FCN2: variants seen among roughly 807,000 people sequenced by gnomAD.
The protein encoded by FCN2 is ficolin-2.
A neutral mutation model predicts 32.5 loss-of-function variants in FCN2; 31 were observed. That is an observed-to-expected ratio of 0.96 (90% CI 0.72 to 1.29). The LOEUF (loss-of-function observed/expected upper bound fraction) is 1.29, where lower values mean the gene tolerates loss of function less well. FCN2 is among the 50% of genes most tolerant of loss of function. The pLI is 0.00. For synonymous variants in FCN2, 181 were observed against 164.5 expected, an observed-to-expected ratio of 1.10 and a Z score of -0.77; for missense variants, 412 against 406.5, an observed-to-expected ratio of 1.01 and a Z score of -0.12.
At chr9:134,869,709 G>A in the FCN2 span, among the ~76,000 whole-genome samples, 6 of 152,226 alleles carry the variant, frequency 3.9e-5, no homozygotes, top group Admixed American at 3.9e-4. Flanking sequence ...CTCAACCTGT[G>A]ACCTGCAGGG....
chr9:134,865,650 T>A, the FCN2 span, among the ~76,000 whole-genome samples: 1 of 150,436 alleles, frequency 6.6e-6, no homozygotes, highest in Non-Finnish European at 1.5e-5. Flanking sequence ...AAAAAAAAAA[T>A]CCACCAAGCA....
At chr9:134,870,913 C>T in the FCN2 span, among the ~76,000 whole-genome samples, 1 of 152,284 alleles carries the variant, frequency 6.6e-6, no homozygotes, top group East Asian at 1.9e-4. The surrounding 1 kb of genome is among the most constrained non-coding windows in gnomAD (Gnocchi z 4.3). Context: ...TCCCCCAACA[C>T]CAGCACTGGG....
chr9:134,881,033 C>T (rs543069084), intron 1 of FCN2, 112 bp downstream of exon 1: 19 of 777,514 alleles, frequency 2.4e-5, no homozygotes, highest in East Asian at 1.6e-4. Context: ...TGTGGAGCAT[C>T]GTCTAACGAG....
intron 5 of FCN2, 147 bp from the exon 6 acceptor site, chr9:134,885,621 G>A: frequency 8.5e-7 from 1 of 1,174,492 alleles, no homozygotes; most frequent in African/African-American, 1.5e-5. Flanking sequence ...ATCCTGTGGA[G>A]TCTGTGAGGA....
intron 7 of FCN2, 53 bp from the exon 8 acceptor site, chr9:134,887,115 T>C (rs1830769284): frequency 6.2e-7 from 1 of 1,608,916 alleles, no homozygotes. Context: ...AGACTTATAC[T>C]GTCTGTAATG....
chr9:134,887,405 G>C lies in FCN2; in HGVS notation c.932G>C (p.Arg311Pro). The part of the protein sequence containing the change: ...YSYKVSEMKV[R>P]PA The stretch of plus-strand genomic sequence containing the variant: ...TACAAGGTGTCAGAGATGAAGGTGC[G>C]ACCTGCCTAGCCCAGGCCGGCCTCA... The change falls in exon 8 of 8, where the codon CGA (arginine) becomes CCA (proline). Residue 311 changes from arginine (R) to proline (P), a missense_variant. Physicochemically the swap from Arg to Pro is moderately radical, Grantham distance 103. Transcript: ENST00000291744. 6.2e-7 allele frequency: 1 copy of C among 1,614,010 alleles called. No individual in the cohort carries two copies. The highest frequency in any genetic ancestry group is 8.5e-7 in the Non-Finnish European group (1 of 1,179,980).
At chr9:134,870,887 C>A in the FCN2 span, among the ~76,000 whole-genome samples, 1 of 152,108 alleles carries the variant, frequency 6.6e-6, no homozygotes, top group African/African-American at 2.4e-5. The surrounding 1 kb of genome is among the most constrained non-coding windows in gnomAD (Gnocchi z 4.3). Flanking sequence ...GGGTCAGAAT[C>A]CTCACTGCAC....
Position 134,887,355 on chromosome 9 carries a change from G to A in FCN2, c.882G>A (p.Lys294=). The A allele has an allele frequency of 6.2e-7, 1 of 1,614,182 alleles. No individual in the cohort carries two copies. Among genetic ancestry groups the A allele is most frequent in the Non-Finnish European group, 8.5e-7 (1 of 1,180,022 alleles). Reference sequence around the variant, plus strand: ...GCTTTGCAAATGGCATCAACTGGAAGTCGGGGAAAGGATACAATTATAGCT... The same window carrying A: ...GCTTTGCAAATGGCATCAACTGGAAATCGGGGAAAGGATACAATTATAGCT... ...HGSFANGINW[K]SGKGYNYSYK... Residue 294 remains lysine, a synonymous_variant, in exon 8 of 8, where the codon AAG becomes AAA. Coordinates refer to ENST00000291744, the MANE Select transcript of FCN2 (RefSeq NM_004108.3).
the FCN2 span, among the ~76,000 whole-genome samples, chr9:134,864,439 G>A: frequency 6.6e-6 from 1 of 152,330 alleles, no homozygotes; most frequent in Non-Finnish European, 1.5e-5. Flanking sequence ...TCCACCGCCA[G>A]TTGGTGCCAC....
upstream of FCN2, chr9:134,880,789 G>A (rs745576588): frequency 1.9e-6 from 3 of 1,559,950 alleles, no homozygotes; most frequent in East Asian, 4.5e-5. Flanking sequence ...CCTATAAGAG[G>A]GCAGGCACCT....
intron 1 of FCN2, among the ~76,000 whole-genome samples, chr9:134,881,575 G>A (rs760161970): frequency 2.6e-5 from 4 of 152,278 alleles, no homozygotes; most frequent in Non-Finnish European, 5.9e-5. Flanking sequence ...CCGTCTACCC[G>A]GGGCTGGGAT....
chr9:134,883,311 G>GC lies in FCN2; in HGVS notation c.230dup (p.Gly78TrpfsTer57), dbSNP rs1339990522. On this transcript the variant is annotated frameshift_variant, in exon 3 of 8. Transcript: ENST00000291744. LOFTEE classifies it high-confidence loss of function. The stretch of plus-strand genomic sequence containing the variant: ...TCTTTGGAAATTGCAGGAGAACGTG[G>GC]CCCCCCTGGACCTCCTGGGAAGGCA... 5.0e-6 allele frequency: 8 copies of GC among 1,612,918 alleles called. No homozygotes were observed. Among genetic ancestry groups the GC allele is most frequent in the African/African-American group, 1.3e-5 (1 of 74,990 alleles).
upstream of FCN2, among the ~76,000 whole-genome samples, chr9:134,877,262 T>G (rs527851677): frequency 2.0e-4 from 30 of 152,338 alleles, no homozygotes; most frequent in Admixed American, 5.2e-4. Flanking sequence ...TCCTTTTTAG[T>G]GAACATTTCA....
Position 134,882,569 on chromosome 9 carries a change from T to C in FCN2, c.144T>C (p.Ile48=). The change falls in exon 2 of 8, where the codon ATT becomes ATC. Residue 48 remains isoleucine (I), a synonymous_variant. Coordinates refer to ENST00000291744, the MANE Select transcript of FCN2 (RefSeq NM_004108.3). Reference sequence around the variant, plus strand: ...TGGAGGGCTCTGACAAGCTCACCATTCTCCGAGGCTGTCCGGGGCTGCCTG... The same window carrying C: ...TGGAGGGCTCTGACAAGCTCACCATCCTCCGAGGCTGTCCGGGGCTGCCTG... The part of the protein sequence containing the change: ...VGLEGSDKLT[I]LRGCPGLPGA... 1 of 1,614,080 alleles carries C rather than the reference T, an allele frequency of 6.2e-7. No individual in the cohort carries two copies. The highest frequency in any genetic ancestry group is 1.1e-5 in the South Asian group (1 of 91,078).
chr9:134,883,250 T>C, intron 2 of FCN2, 52 bp from the exon 3 acceptor site: 1 of 1,494,332 alleles, frequency 6.7e-7, no homozygotes, highest in Admixed American at 1.7e-5. Context: ...GGTGGGCCCT[T>C]TGATCCTGGG....
chr9:134,883,979 T>TG (rs11445130), intron 3 of FCN2, among the ~76,000 whole-genome samples: 44,968 of 111,598 alleles, frequency 0.4, 7,511 homozygotes, highest in East Asian at 0.5. Context: ...CTTGAGAGGG[T>TG]GGGGGGGGAT....
the FCN2 span, among the ~76,000 whole-genome samples, chr9:134,872,081 A>G: frequency 6.6e-6 from 1 of 152,072 alleles, no homozygotes; most frequent in Non-Finnish European, 1.5e-5. Context: ...CGGCAGACCT[A>G]TTTTAAGGGT....
upstream of FCN2, chr9:134,880,710 C>T (rs1338827015): frequency 7.0e-6 from 6 of 854,428 alleles, no homozygotes; most frequent in Middle Eastern, 2.2e-4. Context: ...TCACCAAGCC[C>T]GCGGAGAGGA....
the FCN2 span, among the ~76,000 whole-genome samples, chr9:134,870,706 A>G: frequency 1.8e-4 from 27 of 152,270 alleles, no homozygotes; most frequent in African/African-American, 5.8e-4. The surrounding 1 kb of genome is among the most constrained non-coding windows in gnomAD (Gnocchi z 4.3). Context: ...GGGGACACGG[A>G]GAGCACAGTA....
Sources: allele counts gnomAD v4.1 joint callset (sites outside exome capture counted in the v4.1 genomes callset), GRCh38; gene constraint gnomAD v4.1.1; non-coding constraint Gnocchi (gnomAD v3.1); transcripts MANE v1.5; gene names NCBI Gene and HGNC (gene_info 2026-07-23, HGNC 2026-07-21).